The following PCNX2 variants were observed in gnomAD, a reference collection of about 807,000 sequenced individuals.
The protein encoded by PCNX2 is pecanex-like protein 2.
A neutral mutation model predicts 223.8 loss-of-function variants in PCNX2; 168 were observed. The ratio of observed to expected loss-of-function variants is 0.75; its 90% CI spans 0.66 to 0.85. PCNX2 has a LOEUF of 0.85. Among genes scored for constraint, PCNX2 ranks in the 40% least tolerant of loss-of-function variants. The pLI is 0.00. For synonymous variants in PCNX2, 1,006 were observed against 1,052.6 expected (o/e 0.96, Z 0.86); for missense variants, 2,507 against 2,675.5 (o/e 0.94, Z 1.39).
At chr1:233,315,578 C>T in the PCNX2 span, among the ~76,000 whole-genome samples, 2 of 152,166 alleles carry the variant, frequency 1.3e-5, no homozygotes, top group South Asian at 4.1e-4. Context: ...ATGTCGCAGT[C>T]CACTTTGAGG....
chr1:233,040,454 T>C (rs1013002797), intron 25 of PCNX2, among the ~76,000 whole-genome samples: 2 of 152,190 alleles, frequency 1.3e-5, no homozygotes, highest in Non-Finnish European at 2.9e-5. Context: ...CTCTATAAAT[T>C]ACATTTTCTG....
chr1:233,068,446 G>T (rs1307086977), intron 23 of PCNX2, among the ~76,000 whole-genome samples: 1 of 152,048 alleles, frequency 6.6e-6, no homozygotes, highest in Non-Finnish European at 1.5e-5. Context: ...CAAAAGTATG[G>T]GTAAATACAA....
chr1:233,161,400 A>C, intron 17 of PCNX2, 37 bp from the exon 18 acceptor site: 1 of 1,555,642 alleles, frequency 6.4e-7, no homozygotes, highest in South Asian at 1.1e-5. Flanking sequence ...GCGACTCTTC[A>C]TTTCTCTCAG....
rs1669476093 is a variant in PCNX2, at chr1:232,986,263, G to A, written c.6069C>T (p.Ser2023=). ...AEALIRSSLG[S]STSSTLSFLF... Reference sequence around the variant, plus strand: ...GGAAGCTCAGGGTGGAGCTGGTGGAGGAGCCCAGGCTGGACCTGATGAGCG... The same window carrying A: ...GGAAGCTCAGGGTGGAGCTGGTGGAAGAGCCCAGGCTGGACCTGATGAGCG... The change falls in exon 33 of 34, where the codon TCC becomes TCT. Residue 2023 remains serine, a synonymous_variant. Transcript: ENST00000258229. 1.9e-6 allele frequency: 3 copies of A among 1,561,770 alleles called. No individual in the cohort carries two copies. The highest frequency in any genetic ancestry group is 2.6e-6 in the Non-Finnish European group (3 of 1,153,218).
At chr1:233,031,785 CTTTTT>C (rs56699256) in intron 25 of PCNX2, 160 of 935,156 alleles carry the variant, frequency 1.7e-4, no homozygotes, top group Non-Finnish European at 1.9e-4. Context: ...TGAAAGCATT[CTTTTT>C]TTTTTTTTTT....
At chr1:233,298,551 T>G (rs995492679), upstream of PCNX2, among the ~76,000 whole-genome samples, 3 of 152,090 alleles carry the variant, frequency 2.0e-5, no homozygotes, top group African/African-American at 7.2e-5. Context: ...GGTGCAATGG[T>G]CAAGAAAGTG....
the PCNX2 span, among the ~76,000 whole-genome samples, chr1:233,310,101 A>C: frequency 1.3e-5 from 2 of 152,166 alleles, no homozygotes; most frequent in South Asian, 2.1e-4. Flanking sequence ...ACAGAATCTG[A>C]GTCTATATTC....
At chr1:233,063,108 A>G (rs1036127161) in intron 23 of PCNX2, among the ~76,000 whole-genome samples, 10 of 152,016 alleles carry the variant, frequency 6.6e-5, no homozygotes, top group Admixed American at 6.5e-4. Flanking sequence ...GTGGTGGCAC[A>G]CCCTTGTAAT....
At chr1:233,313,071 C>T in the PCNX2 span, among the ~76,000 whole-genome samples, 62 of 152,264 alleles carry the variant, frequency 4.1e-4, no homozygotes, top group South Asian at 7.9e-3. Context: ...CATCACAACA[C>T]GGATGGATCT....
At chr1:233,188,095 T>C (rs1396970772) in intron 15 of PCNX2, among the ~76,000 whole-genome samples, 1 of 152,212 alleles carries the variant, frequency 6.6e-6, no homozygotes, top group Non-Finnish European at 1.5e-5. Flanking sequence ...CACAAATGTA[T>C]GATCTCACAG....
rs548019890 is a variant in PCNX2 at position 233,015,186 on chromosome 1, C to T, written c.4840-409G>A. Among the ~76,000 whole-genome samples the T allele has an allele frequency of 9.8e-5, 15 of 152,308 alleles. No individual in the cohort carries two copies. The South Asian group carries it at 2.9e-3, about 29-fold the overall frequency. Reference sequence around the variant, plus strand: ...TGGATCCAATGTGAAGGAGAGTCCTCTGTTCTCCCTAAAAGAAGGAGCCCT... The same window carrying T: ...TGGATCCAATGTGAAGGAGAGTCCTTTGTTCTCCCTAAAAGAAGGAGCCCT... On this transcript the variant is annotated intron_variant, in intron 27 of 33. Coordinates refer to ENST00000258229, the MANE Select transcript of PCNX2 (RefSeq NM_014801.4).
chr1:233,109,944 C>T (rs1431853085), intron 21 of PCNX2, among the ~76,000 whole-genome samples: 3 of 151,992 alleles, frequency 2.0e-5, no homozygotes, highest in Admixed American at 1.3e-4. Flanking sequence ...AAAAATTAGC[C>T]GGGCTGTGGT....
chr1:233,066,403 C>T (rs1245052930), intron 23 of PCNX2, among the ~76,000 whole-genome samples: 2 of 152,210 alleles, frequency 1.3e-5, no homozygotes, highest in South Asian at 4.1e-4. Context: ...CCCCTTGGGG[C>T]TTTTTCTGGT....
chr1:233,177,973 G>T, intron 16 of PCNX2, 75 bp from the exon 17 acceptor site: 2 of 1,135,030 alleles, frequency 1.8e-6, no homozygotes, highest in Non-Finnish European at 2.6e-6. Flanking sequence ...CTTCACCTTA[G>T]ATCTCACACC....
intron 23 of PCNX2, among the ~76,000 whole-genome samples, chr1:233,067,517 G>T (rs567782713): frequency 6.6e-6 from 1 of 150,918 alleles, no homozygotes; most frequent in Non-Finnish European, 1.5e-5. Flanking sequence ...TCTGTCATCC[G>T]GGCTGAAGTG....
At chr1:233,248,777 C>T (rs1195231733) in intron 8 of PCNX2, among the ~76,000 whole-genome samples, 1 of 152,136 alleles carries the variant, frequency 6.6e-6, no homozygotes, top group East Asian at 1.9e-4. Flanking sequence ...AGACTCTCCA[C>T]CAAGCCACAC....
intron 26 of PCNX2, among the ~76,000 whole-genome samples, chr1:233,018,283 A>G (rs1458436040): frequency 6.6e-6 from 1 of 151,756 alleles, no homozygotes; most frequent in East Asian, 1.9e-4. Flanking sequence ...TCAGCCTCCC[A>G]AAGTGCGAGG....
At position 232,990,078 on chromosome 1, in the gene PCNX2, G is replaced by A. The variant is rs762348884; in HGVS notation, c.5792-3538C>T. Among the ~76,000 whole-genome samples the A allele has an allele frequency of 2.0e-5, 3 of 152,214 alleles. No individual in the cohort carries two copies. The highest frequency in any genetic ancestry group is 2.4e-5 in the African/African-American group (1 of 41,458). ...GGGAGCTGTGTGTCTCAACTCGGAC[G>A]GGCATGGTTGTTTTACTTAACTAGA... On this transcript the variant is annotated intron_variant, in intron 32 of 33. Transcript: ENST00000258229. The surrounding 1 kb of genome is among the most constrained non-coding windows in gnomAD (Gnocchi z 4.3).
At chr1:233,034,289 G>T (rs1297968653) in intron 25 of PCNX2, among the ~76,000 whole-genome samples, 3 of 152,138 alleles carry the variant, frequency 2.0e-5, no homozygotes, top group Non-Finnish European at 4.4e-5. Flanking sequence ...CCTCATGAAT[G>T]AGAGTAGTGC....
Sources: allele counts gnomAD v4.1 joint callset (sites outside exome capture counted in the v4.1 genomes callset), GRCh38; gene constraint gnomAD v4.1.1; non-coding constraint Gnocchi (gnomAD v3.1); transcripts MANE v1.5; gene names NCBI Gene and HGNC (gene_info 2026-07-23, HGNC 2026-07-21).